Variants in ENPP3 observed in about 807,000 individuals in gnomAD.
ENPP3 encodes ectonucleotide pyrophosphatase/phosphodiesterase family member 3.
Under a neutral mutation model 117.8 loss-of-function variants are expected in ENPP3, and 104 were observed. That is an observed-to-expected ratio of 0.88 (90% CI 0.75 to 1.04). The LOEUF is 1.04. Ranked by LOEUF, ENPP3 falls within the 50% of genes least tolerant of loss-of-function variation. The pLI is 0.00. For synonymous variants in ENPP3, 380 were observed against 349.9 expected (o/e 1.09, Z -0.96); for missense variants, 1,026 against 1,051.9 (o/e 0.98, Z 0.34).
At chr6:131,712,317 T>C (rs1167693298) in intron 15 of ENPP3, among the ~76,000 whole-genome samples, 1 of 147,614 alleles carries the variant, frequency 6.8e-6, no homozygotes, top group Non-Finnish European at 1.5e-5. Flanking sequence ...TTTTGAATTT[T>C]TTTTCTGGGC....
In ENPP3 at chr6:131,678,989, C is replaced by CCTTG. The variant is rs879331728; in HGVS notation, c.1011+1052_1011+1053insGCTT. On this transcript the variant is annotated intron_variant, in intron 11 of 24. Transcript: ENST00000357639. ...TCCTTCCTTCCTTCCTTCCTTCCTT[C>CCTTG]CTTCCTTCCTTGCTTCCTTCCTTCC... Among the ~76,000 whole-genome samples, 182 of 103,332 alleles carry CCTTG rather than the reference C, an allele frequency of 1.8e-3. 9 individuals are homozygous for CCTTG. Among genetic ancestry groups the CCTTG allele is most frequent in the African/African-American group, 7.5e-3 (140 of 18,686 alleles). The allele number at this position is 103,332 out of a possible 152,430, so 67.8% of individuals were successfully genotyped here.
intron 24 of ENPP3, 32 bp from the exon 25 acceptor site, chr6:131,746,754 G>A: frequency 1.3e-6 from 2 of 1,552,814 alleles, no homozygotes; most frequent in Non-Finnish European, 1.7e-6. Flanking sequence ...ACTGCCTTGT[G>A]AAAAAAAAAG....
chr6:131,686,516 A>T (rs900994958), intron 14 of ENPP3, among the ~76,000 whole-genome samples: 6 of 152,116 alleles, frequency 3.9e-5, no homozygotes, highest in Non-Finnish European at 2.9e-5. Context: ...AACTTTTTTT[A>T]AAAAATTCAA....
At position 131,717,355 on chromosome 6, in the gene ENPP3, T is replaced by G. The variant is rs1312996563; in HGVS notation, c.1413-1317T>G. 8.6e-3 allele frequency among the ~76,000 whole-genome samples: 69 copies of G among 8,024 alleles called. 1 individual carries two copies. Among genetic ancestry groups the G allele is most frequent in the Non-Finnish European group, 0.011 (52 of 4,830 alleles). 5.3% of individuals were successfully genotyped at this position (8,024 alleles called of 152,430 possible). A position where few individuals can be genotyped will look rare whatever the true frequency, so the allele number is the denominator to read the frequency against. On this transcript the variant is annotated intron_variant, in intron 15 of 24. Coordinates refer to ENST00000357639, the MANE Select transcript of ENPP3 (RefSeq NM_005021.5). ...ACAAACAGAAACCCTGCGGGGGGTGTGTGTGTGTGTGTGTGTGTGTGTGTG... is the reference window on the plus strand; with the variant it reads ...ACAAACAGAAACCCTGCGGGGGGTGGGTGTGTGTGTGTGTGTGTGTGTGTG...
chr6:131,722,212 T>G lies in ENPP3; in HGVS notation c.1568-15T>G, dbSNP rs779785247. The G allele has an allele frequency of 6.2e-7, 1 of 1,602,826 alleles. No homozygotes were observed. Reference sequence around the variant, plus strand: ...CAGTGTAAAGCTACTTTGAACTAATTTTTTCAAAAAACAGATCTTCTACGC... The same window carrying G: ...CAGTGTAAAGCTACTTTGAACTAATGTTTTCAAAAAACAGATCTTCTACGC... On this transcript the variant is annotated splice_polypyrimidine_tract_variant and intron_variant, in intron 17 of 24. Coordinates refer to ENST00000357639, the MANE Select transcript of ENPP3 (RefSeq NM_005021.5).
intron 11 of ENPP3, among the ~76,000 whole-genome samples, chr6:131,678,911 T>TTC (rs1229427288): frequency 2.2e-5 from 1 of 44,704 alleles, no homozygotes; most frequent in African/African-American, 1.9e-4. Flanking sequence ...CTTTCTCTCT[T>TTC]TCTTTCTTTC....
At chr6:131,719,422 T>C (rs3861466) in intron 16 of ENPP3, among the ~76,000 whole-genome samples, 21,157 of 71,118 alleles carry the variant, frequency 0.3, 2,446 homozygotes, top group African/African-American at 0.53. Flanking sequence ...CACACACACA[T>C]TCCTTTCCAA....
chr6:131,657,541 A>G (rs1009549167), intron 5 of ENPP3, among the ~76,000 whole-genome samples: 6 of 152,258 alleles, frequency 3.9e-5, no homozygotes, highest in African/African-American at 1.2e-4. Flanking sequence ...AGCTATGGGA[A>G]TGAATGATCC....
At chr6:131,651,274 G>A (rs1302222239) in intron 3 of ENPP3, among the ~76,000 whole-genome samples, 1 of 152,102 alleles carries the variant, frequency 6.6e-6, no homozygotes, top group African/African-American at 2.4e-5. Flanking sequence ...AAGTAATGGG[G>A]GTTGGGACTT....
intron 24 of ENPP3, among the ~76,000 whole-genome samples, chr6:131,745,597 T>C (rs1780619804): frequency 6.6e-6 from 1 of 151,972 alleles, no homozygotes; most frequent in East Asian, 1.9e-4. Flanking sequence ...GAACTAACTT[T>C]CATATTGTAA....
At chr6:131,640,301 A>G (rs994905574) in intron 1 of ENPP3, among the ~76,000 whole-genome samples, 3 of 152,206 alleles carry the variant, frequency 2.0e-5, no homozygotes, top group African/African-American at 7.2e-5. Context: ...TCTTCTAAGC[A>G]CCATGACAAG....
intron 20 of ENPP3, among the ~76,000 whole-genome samples, chr6:131,732,613 A>C (rs1197616377): frequency 6.6e-5 from 10 of 150,988 alleles, no homozygotes. Context: ...GGGTTTCACT[A>C]TGTTGAACCT....
At chr6:131,723,716 G>A (rs1276295581) in intron 18 of ENPP3, among the ~76,000 whole-genome samples, 2 of 152,014 alleles carry the variant, frequency 1.3e-5, no homozygotes, top group African/African-American at 4.8e-5. Flanking sequence ...AGCTTAAGGA[G>A]CACTGGGATG....
intron 20 of ENPP3, among the ~76,000 whole-genome samples, chr6:131,728,282 G>T (rs1370936305): frequency 1.3e-5 from 2 of 152,056 alleles, no homozygotes; most frequent in African/African-American, 4.8e-5. Flanking sequence ...AGGTATGAGG[G>T]GTTGTGTGGC....
intron 8 of ENPP3, 100 bp downstream of exon 8, chr6:131,674,381 A>G (rs1401509267): frequency 1.7e-6 from 2 of 1,188,596 alleles, no homozygotes; most frequent in Non-Finnish European, 2.5e-6. Context: ...TATGTCACCC[A>G]TCTAGTTTCT....
At chr6:131,722,786 T>C (rs1174035491) in intron 18 of ENPP3, among the ~76,000 whole-genome samples, 2 of 152,002 alleles carry the variant, frequency 1.3e-5, no homozygotes, top group East Asian at 3.9e-4. Context: ...ACTAGGAGGG[T>C]GTAGGGATTG....
chr6:131,655,224 T>A (rs910211837), intron 5 of ENPP3, among the ~76,000 whole-genome samples: 3 of 152,214 alleles, frequency 2.0e-5, no homozygotes, highest in Admixed American at 1.3e-4. Flanking sequence ...AATTACACAG[T>A]CAATTCATCT....
chr6:131,726,134 A>G lies in ENPP3; in HGVS notation c.1887A>G (p.Glu629=), dbSNP rs769465264. 6.8e-6 allele frequency: 11 copies of G among 1,613,518 alleles called. No individual in the cohort carries two copies. Among genetic ancestry groups the G allele is most frequent in the African/African-American group, 5.3e-5 (4 of 74,922 alleles). ...NVDHCLLYHR[E]YVSGFGKAMR... ...ACCACTGTCTCCTTTACCACAGGGA[A>G]TATGTCAGTGGATTTGGAAAAGCTA... The change falls in exon 20 of 25, where the codon GAA becomes GAG. Residue 629 remains glutamate, a synonymous_variant. Transcript: ENST00000357639.
Position 131,675,091 on chromosome 6 carries a change from A to G in ENPP3, c.774A>G (p.Thr258=), listed in dbSNP as rs746200946. ...AAATTTTCTTACAGATGTGGCTGACAGCAATGTATCAAGGTTTAAAAGCCG... is the reference window on the plus strand; with the variant it reads ...AAATTTTCTTACAGATGTGGCTGACGGCAATGTATCAAGGTTTAAAAGCCG... ...AWWHGQPMWL[T]AMYQGLKAAT... The change falls in exon 9 of 25, where the codon ACA becomes ACG. Residue 258 remains threonine, a synonymous_variant. Coordinates refer to ENST00000357639, the MANE Select transcript of ENPP3 (RefSeq NM_005021.5). The G allele has an allele frequency of 2.5e-6, 4 of 1,611,870 alleles. No homozygotes were observed. The highest frequency in any genetic ancestry group is 2.2e-5 in the South Asian group (2 of 91,032).
Sources: gnomAD v4.1 joint callset for allele counts (sites outside exome capture counted in the v4.1 genomes callset) on GRCh38, gnomAD v4.1.1 for gene constraint, MANE v1.5 for transcripts, NCBI Gene and HGNC (gene_info 2026-07-23, HGNC 2026-07-21) for gene names.